TOM1L1: variants seen among roughly 807,000 people sequenced by gnomAD.
The protein encoded by TOM1L1 is target of myb1 like 1 membrane trafficking protein, also known as TOM1-like protein 1.
TOM1L1 carries 64 observed loss-of-function variants against 63.4 expected under a neutral mutation model. The observed-to-expected ratio is 1.01, with a 90% CI of 0.83 to 1.24. TOM1L1 has a LOEUF of 1.24. Among genes scored for constraint, TOM1L1 ranks in the 50% most tolerant of loss-of-function variants. TOM1L1 has a pLI of 0.00. For synonymous variants in TOM1L1, 166 were observed against 194.4 expected, an observed-to-expected ratio of 0.85 and a Z score of 1.22; for missense variants, 536 against 567.0, an observed-to-expected ratio of 0.95 and a Z score of 0.55.
intron 7 of TOM1L1, among the ~76,000 whole-genome samples, chr17:54,928,591 G>A (rs1032012227): frequency 6.6e-6 from 1 of 152,202 alleles, no homozygotes; most frequent in East Asian, 1.9e-4. Flanking sequence ...ATATTTTCCA[G>A]GGTTGCTTTT....
At position 54,914,645 on chromosome 17, in the gene TOM1L1, C is replaced by G; in HGVS notation, c.505C>G (p.Gln169Glu). The G allele has an allele frequency of 6.2e-7, 1 of 1,612,966 alleles. No homozygotes were observed. ...EAETARQETA[Q>E]ISSNPPTSVP... ...CCATGTTTCATACTCATAGACTGCT[C>G]AAATCTCATCAAATCCTCCAACATC... Residue 169 changes from glutamine to glutamate, a missense_variant, in exon 6 of 16, where the codon CAA becomes GAA. Physicochemically the swap from Gln to Glu is conservative, Grantham distance 29. Coordinates refer to ENST00000575882, the MANE Select transcript of TOM1L1 (RefSeq NM_005486.3).
intron 8 of TOM1L1, among the ~76,000 whole-genome samples, chr17:54,931,960 G>T (rs72829486): frequency 0.22 from 12,305 of 56,008 alleles, 1,124 homozygotes; most frequent in African/African-American, 0.42. Context: ...TTTTTTTTTT[G>T]TTTGTTTGTT....
At chr17:54,924,187 G>A (rs1460475873) in intron 7 of TOM1L1, among the ~76,000 whole-genome samples, 1 of 151,838 alleles carries the variant, frequency 6.6e-6, no homozygotes, top group Non-Finnish European at 1.5e-5. Context: ...TGAGTGCACT[G>A]AGTTCATTCT....
chr17:54,961,938 T>C lies in TOM1L1; in HGVS notation c.*705T>C. 2 of 899,046 alleles carry C rather than the reference T, an allele frequency of 2.2e-6. No individual in the cohort carries two copies. Among genetic ancestry groups the C allele is most frequent in the Non-Finnish European group, 2.7e-6 (2 of 751,708 alleles). 55.7% of individuals were successfully genotyped at this position (899,046 alleles called of 1,614,324 possible). A position where few individuals can be genotyped will look rare whatever the true frequency, so the allele number is the denominator to read the frequency against. Reference sequence around the variant, plus strand: ...AATAAGTTGTACATTTGATGACAAATAAATCACTATTAAAACAATTTAATA... The same window carrying C: ...AATAAGTTGTACATTTGATGACAAACAAATCACTATTAAAACAATTTAATA... On this transcript the variant is annotated 3_prime_UTR_variant, in exon 16 of 16. Coordinates refer to ENST00000575882, the MANE Select transcript of TOM1L1 (RefSeq NM_005486.3).
chr17:54,903,177 T>TTCC lies in TOM1L1; in HGVS notation c.59-526_59-524dup, dbSNP rs2048354972. Among the ~76,000 whole-genome samples the TTCC allele has an allele frequency of 7.2e-5, 11 of 152,328 alleles. 1 individual carries two copies. In the South Asian group the frequency reaches 2.3e-3, roughly 32 times the overall value. On this transcript the variant is annotated intron_variant, in intron 1 of 15. Transcript: ENST00000575882. ...ATTACTTCTCTCCTTTAAAAGTTCT[T>TTCC]TCCTCCTGTCCCCCCAGAGAATAAA...
chr17:54,953,157 T>C (rs2049320623), intron 14 of TOM1L1: 2 of 152,282 alleles, frequency 1.3e-5, no homozygotes, highest in South Asian at 4.1e-4. Flanking sequence ...GGCTGGAGGA[T>C]CACTTGAGCC....
At chr17:54,904,103 C>T (rs2048370882) in intron 2 of TOM1L1, among the ~76,000 whole-genome samples, 1 of 152,198 alleles carries the variant, frequency 6.6e-6, no homozygotes, top group Non-Finnish European at 1.5e-5. Flanking sequence ...CGCAGTGGCT[C>T]ACGCCTGTAA....
intron 2 of TOM1L1, 111 bp from the exon 3 acceptor site, chr17:54,905,378 A>G (rs2143729952): frequency 5.6e-6 from 4 of 709,276 alleles, no homozygotes; most frequent in Admixed American, 2.7e-5. Flanking sequence ...CCAAGGCCTT[A>G]GTTTTCTGCT....
chr17:54,949,691 T>C (rs1012380387), intron 13 of TOM1L1, 68 bp downstream of exon 13: 19 of 1,294,608 alleles, frequency 1.5e-5, no homozygotes, highest in Admixed American at 1.1e-4. Context: ...TGCCAGAGAT[T>C]CATTGGTAAC....
intron 14 of TOM1L1, among the ~76,000 whole-genome samples, chr17:54,955,839 G>A (rs34946336): frequency 0.23 from 34,699 of 152,164 alleles, 4,462 homozygotes; most frequent in South Asian, 0.31. Context: ...AAGCAGCACC[G>A]AGCAAAAGGT....
Position 54,903,723 on chromosome 17 carries a change from C to T in TOM1L1, c.74C>T (p.Ala25Val). 1.2e-6 allele frequency: 2 copies of T among 1,614,166 alleles called. No homozygotes were observed. Among genetic ancestry groups the T allele is most frequent in the Non-Finnish European group, 1.7e-6 (2 of 1,180,010 alleles). The change falls in exon 2 of 16, where the codon GCT becomes GTT. Residue 25 changes from alanine to valine, a missense_variant. By Grantham distance (64) the Ala-to-Val change is moderately conservative (BLOSUM62 0). Coordinates refer to ENST00000575882, the MANE Select transcript of TOM1L1 (RefSeq NM_005486.3). ...TTCTTGGCAGAAAAGGCTACATTTGCTGGAGTTCAGACTGAAGATTGGGGC... is the reference window on the plus strand; with the variant it reads ...TTCTTGGCAGAAAAGGCTACATTTGTTGGAGTTCAGACTGAAGATTGGGGC... The part of the protein sequence containing the change: ...VGHLIEKATF[A>V]GVQTEDWGQF...
At chr17:54,910,442 T>C (rs1200626762) in intron 3 of TOM1L1, among the ~76,000 whole-genome samples, 2 of 152,088 alleles carry the variant, frequency 1.3e-5, no homozygotes, top group African/African-American at 4.8e-5. Flanking sequence ...GGTGACAGAG[T>C]GAGACCCTGT....
chr17:54,916,052 A>T, intron 7 of TOM1L1, 190 bp downstream of exon 7: 2 of 487,978 alleles, frequency 4.1e-6, no homozygotes, highest in African/African-American at 2.0e-5. Flanking sequence ...TAACTTAGAC[A>T]TGGTTTTTAG....
chr17:54,944,018 G>A (rs2049076914), intron 11 of TOM1L1, among the ~76,000 whole-genome samples: 1 of 147,118 alleles, frequency 6.8e-6, no homozygotes, highest in African/African-American at 2.5e-5. Flanking sequence ...ATAAAAGGAA[G>A]TAAAAACCTT....
chr17:54,945,448 C>T (rs2049102203), intron 11 of TOM1L1, among the ~76,000 whole-genome samples: 1 of 152,122 alleles, frequency 6.6e-6, no homozygotes. Flanking sequence ...TTTAGTCTTT[C>T]TTTTCTTCAG....
At chr17:54,960,676 A>G in intron 15 of TOM1L1, 49 bp downstream of exon 15, 12 of 1,379,010 alleles carry the variant, frequency 8.7e-6, no homozygotes, top group Non-Finnish European at 1.2e-5. Context: ...ATATAATTTC[A>G]GTATAATTAT....
intron 7 of TOM1L1, among the ~76,000 whole-genome samples, chr17:54,929,497 A>G (rs190341646): frequency 6.6e-6 from 1 of 152,346 alleles, no homozygotes; most frequent in East Asian, 1.9e-4. Context: ...AAAATGTGAT[A>G]TAACTATAAA....
chr17:54,948,840 T>A (rs1430110590), intron 12 of TOM1L1, among the ~76,000 whole-genome samples: 1 of 152,258 alleles, frequency 6.6e-6, no homozygotes, highest in Non-Finnish European at 1.5e-5. Context: ...TTTTGTTGTG[T>A]CACTGAGTGC....
chr17:54,936,986 G>A (rs1375127109), intron 9 of TOM1L1, 123 bp from the exon 10 acceptor site: 2 of 838,052 alleles, frequency 2.4e-6, no homozygotes, highest in African/African-American at 3.4e-5. Flanking sequence ...GTTGCTCGTT[G>A]AGTGGAGAAT....
Sources: allele counts gnomAD v4.1 joint callset (sites outside exome capture counted in the v4.1 genomes callset), GRCh38; gene constraint gnomAD v4.1.1; transcripts MANE v1.5; gene names NCBI Gene and HGNC (gene_info 2026-07-23, HGNC 2026-07-21).